TDRD5: variants seen among roughly 807,000 people sequenced by gnomAD.
TDRD5 encodes tudor domain containing 5.
In TDRD5, 41 loss-of-function variants were observed where a neutral mutation model predicts 120.6. The ratio of observed to expected loss-of-function variants is 0.34; its 90% CI spans 0.26 to 0.44. The LOEUF (loss-of-function observed/expected upper bound fraction) is 0.44, where lower values mean the gene tolerates loss of function less well. Ranked by LOEUF, TDRD5 falls within the 20% of genes least tolerant of loss-of-function variation. The pLI, the probability that TDRD5 is intolerant of heterozygous loss-of-function variation, is 1.00. For missense variants in TDRD5, 1,006 were observed against 1,221.2 expected (o/e 0.82, Z 2.63); for synonymous variants, 430 against 433.7 (o/e 0.99, Z 0.11).
intron 6 of TDRD5, among the ~76,000 whole-genome samples, chr1:179,622,752 T>C (rs1052411320): frequency 5.9e-5 from 9 of 152,120 alleles, no homozygotes; most frequent in African/African-American, 2.2e-4. Flanking sequence ...TTGAGTGACC[T>C]GAGACCTGTG....
At chr1:179,662,420 G>T in intron 15 of TDRD5, 134 bp downstream of exon 15, 1 of 852,016 alleles carries the variant, frequency 1.2e-6, no homozygotes, top group Non-Finnish European at 1.7e-6. Flanking sequence ...GGGCAACATG[G>T]TGAGACCCTG....
At chr1:179,640,489 C>T (rs751414185) in intron 11 of TDRD5, 44 bp downstream of exon 11, 2 of 1,572,278 alleles carry the variant, frequency 1.3e-6, no homozygotes, top group Non-Finnish European at 1.8e-6. Context: ...CACTTGAGTG[C>T]CTATTATGTG....
chr1:179,684,948 T>C (rs1002310274), intron 17 of TDRD5, among the ~76,000 whole-genome samples: 1 of 152,234 alleles, frequency 6.6e-6, no homozygotes, highest in Non-Finnish European at 1.5e-5. Context: ...ATATTAGCCC[T>C]TTGTCAGATG....
Position 179,663,424 on chromosome 1 carries a change from TAGA to T in TDRD5, c.2585_2587del (p.Glu862del), listed in dbSNP as rs767317909. 4.3e-6 allele frequency: 7 copies of T among 1,613,658 alleles called. No individual in the cohort carries two copies. Among genetic ancestry groups the T allele is most frequent in the Non-Finnish European group, 5.9e-6 (7 of 1,179,870 alleles). ...TCAGGCCTTGTAAATGGAACGAAAG[TAGA>T]AGTTCATAAGCCAGAAGTACTGGGT... On this transcript the variant is annotated inframe_deletion, in exon 16 of 18. Coordinates refer to ENST00000444136, the MANE Select transcript of TDRD5 (RefSeq NM_001199085.3).
chr1:179,672,542 G>C (rs1051089988), intron 17 of TDRD5, among the ~76,000 whole-genome samples: 1 of 152,114 alleles, frequency 6.6e-6, no homozygotes, highest in Admixed American at 6.6e-5. Flanking sequence ...CATTCTGTGG[G>C]TTGTCTTGTT....
chr1:179,632,526 AC>A (rs1019506942), intron 7 of TDRD5, among the ~76,000 whole-genome samples: 5 of 151,174 alleles, frequency 3.3e-5, no homozygotes, highest in South Asian at 2.1e-4. Context: ...TATTTTATCC[AC>A]CCCCCCAAAA....
At position 179,663,482 on chromosome 1, in the gene TDRD5, G is replaced by A; in HGVS notation, c.2640G>A (p.Arg880=). Residue 880 remains arginine, a synonymous_variant, in exon 16 of 18, where the codon AGG becomes AGA. Coordinates refer to ENST00000444136, the MANE Select transcript of TDRD5 (RefSeq NM_001199085.3). ...GAQEKNTGTN[R]TQKQLDINGS... Reference sequence around the variant, plus strand: ...AGGAAAAAAATACTGGCACAAACAGGACTCAAAAGGTAAATGTCTAATGCA... The same window carrying A: ...AGGAAAAAAATACTGGCACAAACAGAACTCAAAAGGTAAATGTCTAATGCA... The A allele has an allele frequency of 2.5e-6, 4 of 1,609,998 alleles. No individual in the cohort carries two copies. Among genetic ancestry groups the A allele is most frequent in the Non-Finnish European group, 3.4e-6 (4 of 1,178,988 alleles).
intron 15 of TDRD5, 37 bp downstream of exon 15, chr1:179,662,323 G>T (rs572952280): frequency 2.5e-6 from 4 of 1,583,644 alleles, no homozygotes; most frequent in Admixed American, 3.7e-5. Context: ...AAATCAGGCC[G>T]GGCACTGCGG....
intron 17 of TDRD5, among the ~76,000 whole-genome samples, chr1:179,682,984 T>C (rs967666764): frequency 6.6e-6 from 1 of 151,976 alleles, no homozygotes. Flanking sequence ...CATTCCAAGA[T>C]TCAAGGAGAC....
intron 4 of TDRD5, among the ~76,000 whole-genome samples, chr1:179,614,291 T>C (rs1008109583): frequency 5.9e-5 from 9 of 152,216 alleles, no homozygotes; most frequent in Non-Finnish European, 2.9e-5. Context: ...TAATGCAACA[T>C]AATTTTAAAT....
intron 9 of TDRD5, among the ~76,000 whole-genome samples, chr1:179,639,253 G>A (rs75060453): frequency 0.021 from 3,206 of 152,170 alleles, 100 homozygotes; most frequent in African/African-American, 0.071. Flanking sequence ...AAACTGAAGC[G>A]CAGAAAGATT....
chr1:179,675,281 T>A lies in TDRD5; in HGVS notation c.2860+5877T>A, dbSNP rs969212510. Among the ~76,000 whole-genome samples, 125 of 125,568 alleles carry A rather than the reference T, an allele frequency of 1.0e-3. 2 individuals carry two copies. In the East Asian group the frequency reaches 0.012, roughly 12 times the overall value. 82.4% of individuals were successfully genotyped at this position (125,568 alleles called of 152,430 possible). ...TTATTATTATTATTATTATTTTTTT[T>A]TTTTTTTTTTTTTTTTGAGACGGAG... On this transcript the variant is annotated intron_variant, in intron 17 of 17. Transcript: ENST00000444136.
intron 4 of TDRD5, among the ~76,000 whole-genome samples, chr1:179,596,190 G>T (rs2101907019): frequency 6.6e-6 from 1 of 152,294 alleles, no homozygotes; most frequent in Admixed American, 6.5e-5. Context: ...CTGTAATGCT[G>T]AAGGACTTTG....
intron 12 of TDRD5, 142 bp downstream of exon 12, chr1:179,651,209 A>G: frequency 1.1e-6 from 1 of 872,728 alleles, no homozygotes; most frequent in Non-Finnish European, 1.7e-6. Flanking sequence ...TTTTTAATGC[A>G]GAGCACTCTT....
intron 4 of TDRD5, among the ~76,000 whole-genome samples, chr1:179,600,626 TTTTA>T (rs775532825): frequency 1.3e-5 from 2 of 152,230 alleles, no homozygotes; most frequent in Non-Finnish European, 2.9e-5. Context: ...TTTTTCCACT[TTTTA>T]TTTCATTGAT....
intron 16 of TDRD5, among the ~76,000 whole-genome samples, chr1:179,664,909 C>G (rs992717752): frequency 6.6e-6 from 1 of 151,928 alleles, no homozygotes; most frequent in Non-Finnish European, 1.5e-5. Context: ...TTTTATGTAC[C>G]CCCCAGCAGT....
chr1:179,678,297 G>A (rs1336862944), intron 17 of TDRD5, among the ~76,000 whole-genome samples: 1 of 152,156 alleles, frequency 6.6e-6, no homozygotes, highest in African/African-American at 2.4e-5. Context: ...CTAGGCAGCT[G>A]GTGACCAGGG....
At chr1:179,639,734 C>A (rs760623755) in intron 9 of TDRD5, 105 bp from the exon 10 acceptor site, 61 of 1,196,292 alleles carry the variant, frequency 5.1e-5, no homozygotes, top group Non-Finnish European at 6.6e-5. Flanking sequence ...AGTCAATTTT[C>A]TTTTCTTTGC....
chr1:179,653,581 A>G (rs1339496060), intron 13 of TDRD5, among the ~76,000 whole-genome samples: 1 of 152,192 alleles, frequency 6.6e-6, no homozygotes, highest in East Asian at 1.9e-4. Flanking sequence ...TAAATAGTAA[A>G]TTGAATTCAA....
Sources: gnomAD v4.1 joint callset for allele counts (sites outside exome capture counted in the v4.1 genomes callset) on GRCh38, gnomAD v4.1.1 for gene constraint, MANE v1.5 for transcripts, NCBI Gene and HGNC (gene_info 2026-07-23, HGNC 2026-07-21) for gene names.